Variants in DLC1 observed in about 807,000 individuals in gnomAD.
DLC1 encodes the protein rho GTPase-activating protein 7.
Under a neutral mutation model 140.3 loss-of-function variants are expected in DLC1, and 54 were observed. The ratio of observed to expected loss-of-function variants is 0.38; its 90% CI spans 0.31 to 0.48. The LOEUF (loss-of-function observed/expected upper bound fraction) is 0.48. Among genes scored for constraint, DLC1 ranks in the 20% least tolerant of loss-of-function variants. DLC1 has a pLI of 0.96. For missense variants in DLC1, 2,536 were observed against 1,907.0 expected (o/e 1.33, Z -6.14); for synonymous variants, 986 against 728.1 (o/e 1.35, Z -5.70).
At position 13,099,811 on chromosome 8, in the gene DLC1, G is replaced by A. The variant is rs201006364; in HGVS notation, c.2526C>T (p.Ser842=). ...GGCTGATGTGGCCAGGGCCGTGGAA[G>A]CTTCCCGTCCTCCAGTTCACAGAGC... is the stretch of plus-strand genomic sequence containing the variant. ...NNGSVNWRTG[S]FHGPGHISLR... The change falls in exon 9 of 18, where the codon AGC becomes AGT. Residue 842 remains serine, a synonymous_variant. Transcript: ENST00000276297. The A allele has an allele frequency of 5.6e-6, 9 of 1,614,176 alleles. No homozygotes were observed. The Admixed American group carries it at 6.7e-5, about 12-fold the overall frequency.
At chr8:13,283,819 AGT>A (rs1563223277) in intron 5 of DLC1, among the ~76,000 whole-genome samples, 1 of 152,150 alleles carries the variant, frequency 6.6e-6, no homozygotes, top group Non-Finnish European at 1.5e-5. Flanking sequence ...GTGGCGTAGC[AGT>A]GTTGAGGTGA....
chr8:13,362,675 G>GGGAAC (rs1195885120), intron 4 of DLC1, among the ~76,000 whole-genome samples: 4 of 151,962 alleles, frequency 2.6e-5, no homozygotes, highest in Admixed American at 2.6e-4. Flanking sequence ...AAGAGGGAAG[G>GGGAAC]GGAACTTGTA....
At chr8:13,571,716 C>T (rs1309236041) in intron 1 of DLC1, among the ~76,000 whole-genome samples, 1 of 152,130 alleles carries the variant, frequency 6.6e-6, no homozygotes, top group Non-Finnish European at 1.5e-5. Context: ...TCTTTTGGGT[C>T]CATACTTAGA....
At chr8:13,537,677 G>T (rs1306358661) in intron 1 of DLC1, among the ~76,000 whole-genome samples, 1 of 132,470 alleles carries the variant, frequency 7.5e-6, no homozygotes, top group Non-Finnish European at 1.6e-5. Flanking sequence ...TTTTTGAGAC[G>T]GAGTCTCTCT....
intron 5 of DLC1, among the ~76,000 whole-genome samples, chr8:13,295,578 T>C (rs1831912608): frequency 6.6e-6 from 1 of 152,220 alleles, no homozygotes; most frequent in Non-Finnish European, 1.5e-5. Context: ...TCTAAAAAAT[T>C]ATGTCTTAAT....
At chr8:13,101,552 G>A (rs1382128242) in intron 8 of DLC1, among the ~76,000 whole-genome samples, 2 of 152,108 alleles carry the variant, frequency 1.3e-5, no homozygotes, top group African/African-American at 4.8e-5. Flanking sequence ...AAATGTATAA[G>A]GTCTCCCACT....
chr8:13,514,359 A>G (rs1802509823), intron 1 of DLC1, among the ~76,000 whole-genome samples: 1 of 152,228 alleles, frequency 6.6e-6, no homozygotes, highest in Non-Finnish European at 1.5e-5. Flanking sequence ...GGATAAAAAT[A>G]AAATCTTACT....
At chr8:13,185,894 C>T (rs149378753) in intron 5 of DLC1, among the ~76,000 whole-genome samples, 2,592 of 152,208 alleles carry the variant, frequency 0.017, 71 homozygotes, top group African/African-American at 0.059. Flanking sequence ...TTTTATTTCT[C>T]CTTCATGTAT....
chr8:13,599,275 G>A (rs1211405470), intron 1 of DLC1, among the ~76,000 whole-genome samples: 2 of 151,880 alleles, frequency 1.3e-5, no homozygotes, highest in Non-Finnish European at 2.9e-5. Flanking sequence ...AGATCATTAT[G>A]CCAGCCTCAT....
intron 1 of DLC1, among the ~76,000 whole-genome samples, chr8:13,579,076 T>A (rs571134795): frequency 1.0e-3 from 152 of 151,124 alleles, no homozygotes; most frequent in African/African-American, 3.6e-3. Context: ...TAGGACATTT[T>A]AAGGGATTTA....
At chr8:13,185,122 CTTTT>C (rs1193667992) in intron 5 of DLC1, among the ~76,000 whole-genome samples, 2 of 84,554 alleles carry the variant, frequency 2.4e-5, no homozygotes, top group Non-Finnish European at 4.6e-5. Flanking sequence ...GCAACCCCTG[CTTTT>C]TTTTTTTTTT....
intron 4 of DLC1, among the ~76,000 whole-genome samples, chr8:13,312,985 A>G (rs1053853192): frequency 3.3e-5 from 5 of 152,124 alleles, no homozygotes; most frequent in African/African-American, 4.8e-5. Flanking sequence ...CTAGCAATTT[A>G]TCTCCCCTTC....
intron 5 of DLC1, among the ~76,000 whole-genome samples, chr8:13,238,926 T>C (rs1829415551): frequency 6.6e-6 from 1 of 151,880 alleles, no homozygotes; most frequent in African/African-American, 2.4e-5. Flanking sequence ...TGCCAGATGG[T>C]GTGGGGGGTG....
intron 5 of DLC1, among the ~76,000 whole-genome samples, chr8:13,162,666 G>T (rs1413605672): frequency 1.3e-5 from 2 of 152,122 alleles, no homozygotes; most frequent in African/African-American, 4.8e-5. Context: ...TGGTACAGTG[G>T]GTACAGCTCA....
chr8:13,550,403 A>G (rs773494786), intron 1 of DLC1, among the ~76,000 whole-genome samples: 19 of 152,048 alleles, frequency 1.2e-4, no homozygotes, highest in Non-Finnish European at 2.2e-4. Context: ...TCTCTTCTTT[A>G]TGAATTACCC....
chr8:13,433,946 C>T (rs1007154986), intron 2 of DLC1, among the ~76,000 whole-genome samples: 1 of 152,206 alleles, frequency 6.6e-6, no homozygotes, highest in Admixed American at 6.5e-5. Flanking sequence ...ATCTCCGCCT[C>T]CTGGGTTCAA....
At chr8:13,456,944 G>A (rs1042539831) in intron 2 of DLC1, among the ~76,000 whole-genome samples, 8 of 152,162 alleles carry the variant, frequency 5.3e-5, no homozygotes, top group Non-Finnish European at 1.0e-4. Context: ...GTGGTCAAAT[G>A]GTGCCCTCTT....
At chr8:13,524,709 GT>G (rs76587130) in intron 1 of DLC1, among the ~76,000 whole-genome samples, 38,421 of 147,336 alleles carry the variant, frequency 0.26, 6,082 homozygotes, top group Middle Eastern at 0.39. Context: ...TTTCTGTTGT[GT>G]TTTTTTTTTC....
intron 1 of DLC1, among the ~76,000 whole-genome samples, chr8:13,566,136 T>C (rs1397304387): frequency 1.3e-5 from 2 of 152,070 alleles, no homozygotes; most frequent in South Asian, 2.1e-4. Flanking sequence ...CAGATACTCA[T>C]ACAATCACAT....
Sources: allele counts gnomAD v4.1 joint callset (sites outside exome capture counted in the v4.1 genomes callset), GRCh38; gene constraint gnomAD v4.1.1; transcripts MANE v1.5; gene names NCBI Gene and HGNC (gene_info 2026-07-23, HGNC 2026-07-21).